Variants in GATAD2B observed in about 807,000 individuals in gnomAD.
The protein encoded by GATAD2B is GATA zinc finger domain containing 2B.
GATAD2B carries 8 observed loss-of-function variants against 64.3 expected under a neutral mutation model. The ratio of observed to expected loss-of-function variants is 0.12; its 90% CI spans 0.07 to 0.22. The LOEUF (loss-of-function observed/expected upper bound fraction) is 0.22. Ranked by LOEUF, GATAD2B falls within the 10% of genes least tolerant of loss-of-function variation. The pLI is 1.00. For synonymous variants in GATAD2B, 281 were observed against 271.3 expected, an observed-to-expected ratio of 1.04 and a Z score of -0.35; for missense variants, 453 against 752.0, an observed-to-expected ratio of 0.60 and a Z score of 4.65.
chr1:153,904,852 G>A (rs574127259), intron 1 of GATAD2B, among the ~76,000 whole-genome samples: 4 of 152,152 alleles, frequency 2.6e-5, no homozygotes, highest in South Asian at 2.1e-4. Flanking sequence ...GATTACAGGC[G>A]CCTGCCACCA....
At chr1:153,894,082 A>G (rs1677505538) in intron 1 of GATAD2B, among the ~76,000 whole-genome samples, 1 of 152,110 alleles carries the variant, frequency 6.6e-6, no homozygotes, top group South Asian at 2.1e-4. Context: ...CCAAGTCTCA[A>G]GCTTGTAGTT....
intron 1 of GATAD2B, among the ~76,000 whole-genome samples, chr1:153,889,327 G>C (rs1242319139): frequency 6.9e-6 from 1 of 144,974 alleles, no homozygotes; most frequent in African/African-American, 2.5e-5. Context: ...CAGGAGAATT[G>C]CTTGAACCCA....
Position 153,816,590 on chromosome 1 carries a change from T to C in GATAD2B, c.901-2A>G. The stretch of plus-strand genomic sequence containing the variant: ...ACATGGAACAGAAGAACTTGACTGC[T>C]GAAATAGATTGAGAATGCGGTCAAT... On this transcript the variant is annotated splice_acceptor_variant, in intron 6 of 10. Transcript: ENST00000368655. LOFTEE classifies it high-confidence loss of function. The surrounding 1 kb of genome is among the most constrained non-coding windows in gnomAD (Gnocchi z 4.9). 6.3e-7 allele frequency: 1 copy of C among 1,598,632 alleles called. No individual in the cohort carries two copies. The highest frequency in any genetic ancestry group is 8.6e-7 in the Non-Finnish European group (1 of 1,167,314).
intron 1 of GATAD2B, among the ~76,000 whole-genome samples, chr1:153,879,729 C>T (rs1031256385): frequency 6.9e-6 from 1 of 144,002 alleles, no homozygotes; most frequent in Non-Finnish European, 1.5e-5. Flanking sequence ...CGCCACTGCA[C>T]TCCAGCCTGG....
intron 10 of GATAD2B, among the ~76,000 whole-genome samples, chr1:153,811,260 G>A (rs1197241957): frequency 1.3e-5 from 2 of 152,210 alleles, no homozygotes; most frequent in Non-Finnish European, 2.9e-5. Context: ...GGGACTTCCT[G>A]AAATTTCGGT....
intron 1 of GATAD2B, among the ~76,000 whole-genome samples, chr1:153,845,849 T>C (rs1675666695): frequency 6.6e-6 from 1 of 152,122 alleles, no homozygotes; most frequent in Non-Finnish European, 1.5e-5. Flanking sequence ...GTGGAAGGAT[T>C]GTTTAAGCTC....
rs767142902 is a variant in GATAD2B, at chr1:153,816,290, C to T, written c.1199G>A (p.Ser400Asn). The change falls in exon 7 of 11, where the codon AGT becomes AAT. Residue 400 changes from serine (S) to asparagine (N), a missense_variant. By Grantham distance (46) the Ser-to-Asn change is conservative. Coordinates refer to ENST00000368655, the MANE Select transcript of GATAD2B (RefSeq NM_020699.4). This position sits in a 1 kb window ranked among gnomAD's most constrained non-coding sequence, Gnocchi z 4.9. ...AGCCTTACCTTGGCTGTCAATGACA[C>T]TCTGTACGACTTCTTCCAAGCCTAC... ...YMVGLEEVVQ[S>N]VIDSQGKSCA... 3 of 1,611,914 alleles carry T rather than the reference C, an allele frequency of 1.9e-6. No homozygotes were observed. Among genetic ancestry groups the T allele is most frequent in the Non-Finnish European group, 2.5e-6 (3 of 1,178,016 alleles).
intron 1 of GATAD2B, chr1:153,852,233 T>A (rs1675921345): frequency 3.3e-6 from 4 of 1,194,924 alleles, no homozygotes; most frequent in Non-Finnish European, 5.0e-6. Flanking sequence ...GGCATGTTGT[T>A]AACAAGAAAT....
chr1:153,831,518 A>G (rs1164400092), intron 1 of GATAD2B, among the ~76,000 whole-genome samples: 1 of 152,178 alleles, frequency 6.6e-6, no homozygotes, highest in Non-Finnish European at 1.5e-5. Flanking sequence ...AAAAAAAAAG[A>G]ATAGCTTTAC....
intron 2 of GATAD2B, 148 bp downstream of exon 2, chr1:153,827,865 T>TA (rs1479494093): frequency 3.1e-6 from 2 of 650,198 alleles, no homozygotes; most frequent in Non-Finnish European, 5.3e-6. Context: ...CATTTGGAAA[T>TA]AAAATGAATT....
intron 1 of GATAD2B, among the ~76,000 whole-genome samples, chr1:153,879,655 C>G (rs1417445850): frequency 1.3e-5 from 2 of 150,136 alleles, no homozygotes; most frequent in African/African-American, 4.9e-5. Context: ...CCCAACTACT[C>G]AGGAGGCTGA....
At chr1:153,826,638 C>T (rs1674887268) in intron 2 of GATAD2B, among the ~76,000 whole-genome samples, 1 of 151,356 alleles carries the variant, frequency 6.6e-6, no homozygotes, top group Non-Finnish European at 1.5e-5. Context: ...CACACACACA[C>T]ACACACAACT....
chr1:153,875,718 C>CTTG (rs1676805591), intron 1 of GATAD2B, among the ~76,000 whole-genome samples: 1 of 146,388 alleles, frequency 6.8e-6, no homozygotes, highest in African/African-American at 2.5e-5. Context: ...TAGCCACAAG[C>CTTG]TGGCTAAAAT....
At chr1:153,821,898 A>G (rs562751480) in intron 2 of GATAD2B, among the ~76,000 whole-genome samples, 2 of 151,294 alleles carry the variant, frequency 1.3e-5, no homozygotes, top group East Asian at 3.9e-4. Flanking sequence ...TTTACTTCTC[A>G]TTTCTATATT....
At chr1:153,908,525 G>A (rs1459194699) in intron 1 of GATAD2B, among the ~76,000 whole-genome samples, 1 of 151,090 alleles carries the variant, frequency 6.6e-6, no homozygotes, top group Non-Finnish European at 1.5e-5. Context: ...TGCCCAGGCT[G>A]GAATCCAATG....
chr1:153,899,525 G>A (rs750305506), intron 1 of GATAD2B, among the ~76,000 whole-genome samples: 6 of 151,186 alleles, frequency 4.0e-5, no homozygotes, highest in East Asian at 3.9e-4. Flanking sequence ...CCAAGATCGC[G>A]CCATTGCACT....
intron 1 of GATAD2B, among the ~76,000 whole-genome samples, chr1:153,830,518 C>T (rs1675043356): frequency 7.1e-6 from 1 of 140,848 alleles, no homozygotes; most frequent in South Asian, 2.3e-4. Context: ...CTCTGTCGCC[C>T]AGGCTGGAGT....
At chr1:153,815,286 A>AAAC (rs1674434074) in intron 7 of GATAD2B, among the ~76,000 whole-genome samples, 1 of 145,540 alleles carries the variant, frequency 6.9e-6, no homozygotes, top group Admixed American at 6.8e-5. Context: ...AAAACAAAAA[A>AAAC]AAAAAACAAA....
intron 2 of GATAD2B, among the ~76,000 whole-genome samples, chr1:153,822,602 C>G (rs937853998): frequency 7.9e-5 from 12 of 152,124 alleles, no homozygotes; most frequent in African/African-American, 2.9e-4. Flanking sequence ...AACCTCCTCT[C>G]AGGTTTAAGT....
Sources: gnomAD v4.1 joint callset for allele counts (sites outside exome capture counted in the v4.1 genomes callset) on GRCh38, gnomAD v4.1.1 for gene constraint, Gnocchi (gnomAD v3.1) non-coding constraint, MANE v1.5 for transcripts, NCBI Gene and HGNC (gene_info 2026-07-23, HGNC 2026-07-21) for gene names.